The following CPNE2 variants were observed in gnomAD, a reference collection of about 807,000 sequenced individuals.
CPNE2 encodes the protein copine 2.
In CPNE2, 42 loss-of-function variants were observed where a neutral mutation model predicts 69.7. The observed-to-expected ratio is 0.60, with a 90% CI of 0.47 to 0.78. CPNE2 has a LOEUF of 0.78. Among genes scored for constraint, CPNE2 ranks in the 30% least tolerant of loss-of-function variants. The probability of loss-of-function intolerance (pLI) is 0.00; values close to 1 mark genes in which losing one functional copy is unlikely to be tolerated. For synonymous variants in CPNE2, 294 were observed against 289.8 expected (o/e 1.01, Z -0.15); for missense variants, 587 against 732.0 (o/e 0.80, Z 2.29).
chr16:57,133,788 G>C (rs1411050406), intron 12 of CPNE2, among the ~76,000 whole-genome samples: 1 of 152,194 alleles, frequency 6.6e-6, no homozygotes, highest in Non-Finnish European at 1.5e-5. Flanking sequence ...AGTCCACTCT[G>C]TGTCTCAGTT....
intron 14 of CPNE2, among the ~76,000 whole-genome samples, chr16:57,140,725 G>A (rs774777250): frequency 1.3e-5 from 2 of 151,682 alleles, no homozygotes; most frequent in African/African-American, 2.4e-5. Context: ...CCACCACGCC[G>A]GGCTAATTTT....
chr16:57,147,741 G>A lies in CPNE2; in HGVS notation c.*83G>A, dbSNP rs2069970876. 2 of 898,280 alleles carry A rather than the reference G, an allele frequency of 2.2e-6. No homozygotes were observed. The highest frequency in any genetic ancestry group is 3.1e-5 in the East Asian group (1 of 32,484). 55.6% of individuals were successfully genotyped at this position (898,280 alleles called of 1,614,324 possible). On this transcript the variant is annotated 3_prime_UTR_variant, in exon 16 of 16. Coordinates refer to ENST00000290776, the MANE Select transcript of CPNE2 (RefSeq NM_152727.6). ...GCACGCTCACTCTGCTTCCTTGTGG[G>A]TGGCCTTTTTTTACCGATCCCCTTT... is the stretch of plus-strand genomic sequence containing the variant.
intron 3 of CPNE2, among the ~76,000 whole-genome samples, chr16:57,114,803 A>G (rs1334538088): frequency 6.6e-6 from 1 of 151,572 alleles, no homozygotes; most frequent in Non-Finnish European, 1.5e-5. Context: ...AACCAATAAA[A>G]ATAGAAAGAA....
intron 11 of CPNE2, among the ~76,000 whole-genome samples, chr16:57,127,627 G>C (rs761450835): frequency 6.6e-6 from 1 of 152,202 alleles, no homozygotes; most frequent in Non-Finnish European, 1.5e-5. Flanking sequence ...CCATTGTCGT[G>C]TCTGCCACAG....
intron 2 of CPNE2, 109 bp downstream of exon 2, chr16:57,111,031 G>A (rs1219378315): frequency 3.4e-6 from 3 of 879,120 alleles, no homozygotes; most frequent in East Asian, 3.0e-5. Flanking sequence ...TAGTTGGAGT[G>A]TGGGCTGGTG....
chr16:57,119,571 A>G lies in CPNE2; in HGVS notation c.602A>G (p.Tyr201Cys), dbSNP rs1362776575. The G allele has an allele frequency of 3.1e-6, 5 of 1,612,302 alleles. No homozygotes were observed. Residue 201 changes from tyrosine to cysteine, a missense_variant, in exon 7 of 16, where the codon TAC becomes TGC. By Grantham distance (194) the Tyr-to-Cys change is radical. This residue lies in a region of CPNE2 where 269 missense variants were observed against 300.5 expected (regional missense o/e 0.90). Coordinates refer to ENST00000290776, the MANE Select transcript of CPNE2 (RefSeq NM_152727.6). ...MLVHRTEVIKYTLDPVWKPFT... is the reference protein window; with the variant it reads ...MLVHRTEVIKCTLDPVWKPFT... Reference sequence around the variant, plus strand: ...CTCTCTGTCCCACAGGTGATCAAGTACACACTGGACCCTGTGTGGAAGCCA... The same window carrying G: ...CTCTCTGTCCCACAGGTGATCAAGTGCACACTGGACCCTGTGTGGAAGCCA...
chr16:57,108,170 C>T (rs148850886), intron 1 of CPNE2, among the ~76,000 whole-genome samples: 39 of 152,250 alleles, frequency 2.6e-4, no homozygotes, highest in African/African-American at 9.1e-4. Flanking sequence ...CATGCCCAGC[C>T]GAGAGCAGTC....
intron 14 of CPNE2, chr16:57,140,970 C>T (rs2069918311): frequency 6.6e-6 from 1 of 151,012 alleles, no homozygotes; most frequent in Non-Finnish European, 1.5e-5. Flanking sequence ...GCACTCCCTC[C>T]TGTTCGGGTG....
intron 14 of CPNE2, among the ~76,000 whole-genome samples, chr16:57,139,442 A>G (rs1185562487): frequency 2.6e-5 from 4 of 152,210 alleles, no homozygotes; most frequent in Non-Finnish European, 5.9e-5. Flanking sequence ...CATGACTCCT[A>G]AACTGTAATT....
chr16:57,106,520 G>A (rs974914793), intron 1 of CPNE2, among the ~76,000 whole-genome samples: 9 of 152,304 alleles, frequency 5.9e-5, no homozygotes, highest in East Asian at 3.9e-4. Flanking sequence ...GTCTGGGTGC[G>A]TATGTGTATG....
At chr16:57,107,021 T>C (rs1209797145) in intron 1 of CPNE2, among the ~76,000 whole-genome samples, 1 of 152,182 alleles carries the variant, frequency 6.6e-6, no homozygotes, top group Non-Finnish European at 1.5e-5. Context: ...CCCTGTAACC[T>C]CAAGCAAGTG....
intron 12 of CPNE2, among the ~76,000 whole-genome samples, chr16:57,128,482 C>T (rs1597501310): frequency 6.6e-6 from 1 of 152,204 alleles, no homozygotes; most frequent in African/African-American, 2.4e-5. Flanking sequence ...CGGCCTCAGC[C>T]TCCCGAAGTG....
chr16:57,144,203 A>AC (rs2069941378), intron 14 of CPNE2: 1 of 152,276 alleles, frequency 6.6e-6, no homozygotes, highest in African/African-American at 2.4e-5. Flanking sequence ...CACCATCTCC[A>AC]TGGCAACAGG....
intron 14 of CPNE2, chr16:57,142,865 TC>T (rs2069932609): frequency 6.6e-6 from 1 of 152,232 alleles, no homozygotes; most frequent in Non-Finnish European, 1.5e-5. Flanking sequence ...ATAAATCAAA[TC>T]AAACGTTAAA....
chr16:57,097,339 C>T (rs1269578031), intron 1 of CPNE2, among the ~76,000 whole-genome samples: 2 of 152,200 alleles, frequency 1.3e-5, no homozygotes, highest in Non-Finnish European at 1.5e-5. Flanking sequence ...CTCCAGCACA[C>T]AGCAAAGTCC....
intron 1 of CPNE2, among the ~76,000 whole-genome samples, chr16:57,109,023 G>C (rs2069664152): frequency 6.6e-6 from 1 of 152,190 alleles, no homozygotes; most frequent in Non-Finnish European, 1.5e-5. Context: ...ATGAGCTAGA[G>C]ATACAGGGTG....
intron 1 of CPNE2, among the ~76,000 whole-genome samples, chr16:57,093,098 G>A (rs1348509737): frequency 2.0e-5 from 3 of 151,928 alleles, no homozygotes; most frequent in Non-Finnish European, 4.4e-5. Context: ...CACCCGCCCC[G>A]AGGGGCTTGG....
At chr16:57,114,045 G>T (rs2069699944) in intron 3 of CPNE2, among the ~76,000 whole-genome samples, 1 of 152,238 alleles carries the variant, frequency 6.6e-6, no homozygotes, top group South Asian at 2.1e-4. Flanking sequence ...GTTGATAAGG[G>T]AATGAAATGG....
intron 4 of CPNE2, 86 bp downstream of exon 4, chr16:57,115,636 A>ATC (rs1200246234): frequency 1.1e-6 from 1 of 949,278 alleles, no homozygotes; most frequent in African/African-American, 1.7e-5. Context: ...CTGGCAGATA[A>ATC]TCACCAGCTT....
Sources: gnomAD v4.1 joint callset for allele counts (sites outside exome capture counted in the v4.1 genomes callset) on GRCh38, gnomAD v4.1.1 for gene constraint, gnomAD v4.1.1 regional missense constraint, MANE v1.5 for transcripts, NCBI Gene and HGNC (gene_info 2026-07-23, HGNC 2026-07-21) for gene names.